Variants in GPHN observed in about 807,000 individuals in gnomAD.
GPHN encodes gephyrin.
Under a neutral mutation model 95.5 loss-of-function variants are expected in GPHN, and 17 were observed. The observed-to-expected ratio is 0.18, with a 90% CI of 0.12 to 0.27. The LOEUF (loss-of-function observed/expected upper bound fraction) is 0.27. GPHN is among the 10% of genes least tolerant of loss of function. The probability of loss-of-function intolerance (pLI) is 1.00; values close to 1 mark genes in which losing one functional copy is unlikely to be tolerated. For missense variants in GPHN, 660 were observed against 978.1 expected (o/e 0.67, Z 4.34); for synonymous variants, 320 against 322.5 (o/e 0.99, Z 0.08).
At chr14:66,605,697 T>C (rs1299615340) in intron 1 of GPHN, among the ~76,000 whole-genome samples, 1 of 151,982 alleles carries the variant, frequency 6.6e-6, no homozygotes, top group East Asian at 1.9e-4. Context: ...GCCCGGCTAA[T>C]TTTTTCTATT....
intron 8 of GPHN, among the ~76,000 whole-genome samples, chr14:66,934,596 T>A (rs1217078450): frequency 6.6e-6 from 1 of 152,228 alleles, no homozygotes; most frequent in Non-Finnish European, 1.5e-5. Flanking sequence ...TTAATTTAAC[T>A]ACTGGGGGAC....
At chr14:67,594,518 G>A in the GPHN span, among the ~76,000 whole-genome samples, 13 of 152,016 alleles carry the variant, frequency 8.6e-5, no homozygotes, top group South Asian at 6.2e-4. Flanking sequence ...GTGTTGGCAC[G>A]TGCCTCTAGT....
rs545467347 is a variant in GPHN, at chr14:66,615,135, G to A, written c.65-65972G>A. ...TATCATTGGCATTTGGGTTGGTTCCGTGTCTTTGCTATTGTAAATAGTGCT... is the reference window on the plus strand; with the variant it reads ...TATCATTGGCATTTGGGTTGGTTCCATGTCTTTGCTATTGTAAATAGTGCT... On this transcript the variant is annotated intron_variant, in intron 1 of 22. Coordinates refer to ENST00000478722, the MANE Select transcript of GPHN (RefSeq NM_020806.5). Among the ~76,000 whole-genome samples the A allele has an allele frequency of 8.7e-4, 132 of 152,158 alleles. 3 individuals are homozygous for A. In the South Asian group the frequency reaches 0.027, roughly 31 times the overall value.
intron 1 of GPHN, among the ~76,000 whole-genome samples, chr14:66,520,898 C>A (rs147340338): frequency 4.9e-4 from 74 of 152,108 alleles, no homozygotes; most frequent in African/African-American, 1.6e-3. Flanking sequence ...CTGTCGTTCC[C>A]TTCTTTGTGT....
At chr14:67,446,034 G>A in the GPHN span, 2 of 518,280 alleles carry the variant, frequency 3.9e-6, no homozygotes, top group South Asian at 1.4e-5. Context: ...TCATTTTAAT[G>A]GCAAGATGGG....
At chr14:67,062,634 T>C (rs760094863) in intron 11 of GPHN, among the ~76,000 whole-genome samples, 3 of 152,224 alleles carry the variant, frequency 2.0e-5, no homozygotes, top group Non-Finnish European at 4.4e-5. Flanking sequence ...TGAAACACTT[T>C]AGATATAATA....
At chr14:66,646,212 C>T (rs2064735386) in intron 1 of GPHN, among the ~76,000 whole-genome samples, 1 of 152,140 alleles carries the variant, frequency 6.6e-6, no homozygotes, top group African/African-American at 2.4e-5. Context: ...TGCTCAACAT[C>T]TCTAATCATT....
At chr14:67,108,752 T>TGC (rs766958253) in intron 13 of GPHN, among the ~76,000 whole-genome samples, 15 of 149,766 alleles carry the variant, frequency 1.0e-4, no homozygotes, top group Admixed American at 2.7e-4. Context: ...TGTGTGTGTG[T>TGC]GGTTTATTTT....
the GPHN span, chr14:67,412,092 G>A: frequency 6.7e-7 from 1 of 1,496,952 alleles, no homozygotes; most frequent in Non-Finnish European, 8.9e-7. Flanking sequence ...CACCCCAGGT[G>A]CGCCTTCCCC....
chr14:66,657,138 A>T (rs2153370474), intron 1 of GPHN, among the ~76,000 whole-genome samples: 1 of 152,338 alleles, frequency 6.6e-6, no homozygotes, highest in African/African-American at 2.4e-5. Flanking sequence ...GCTAATAAAG[A>T]GATAATTTTA....
At chr14:66,910,908 T>C (rs938448320) in intron 5 of GPHN, among the ~76,000 whole-genome samples, 4 of 151,972 alleles carry the variant, frequency 2.6e-5, no homozygotes, top group African/African-American at 9.7e-5. Flanking sequence ...ATATGTAATA[T>C]TGTGCAGCAT....
At chr14:66,845,893 G>C (rs769920651) in intron 4 of GPHN, among the ~76,000 whole-genome samples, 1 of 151,942 alleles carries the variant, frequency 6.6e-6, no homozygotes, top group Non-Finnish European at 1.5e-5. Context: ...ACGTGTGTCT[G>C]TGTGTGTGTT....
intron 11 of GPHN, among the ~76,000 whole-genome samples, chr14:67,086,599 C>T (rs1261921124): frequency 6.7e-6 from 1 of 149,722 alleles, no homozygotes; most frequent in Non-Finnish European, 1.5e-5. Flanking sequence ...CTGCAGTGAG[C>T]CGAGATTGCG....
At chr14:67,650,330 C>T in the GPHN span, 1 of 246,462 alleles carries the variant, frequency 4.1e-6, no homozygotes, top group Non-Finnish European at 7.9e-6. Context: ...GATTCATTTC[C>T]AGGCAGGCAT....
At chr14:66,716,617 T>G (rs1485077866) in intron 2 of GPHN, among the ~76,000 whole-genome samples, 1 of 152,210 alleles carries the variant, frequency 6.6e-6, no homozygotes, top group East Asian at 1.9e-4. Flanking sequence ...ATAGGTCATG[T>G]GAGATTTATG....
chr14:67,220,272 CAAAAAAG>C, the GPHN span, among the ~76,000 whole-genome samples: 2 of 151,576 alleles, frequency 1.3e-5, no homozygotes, highest in Non-Finnish European at 2.9e-5. Context: ...CCTGTCCCTA[CAAAAAAG>C]AAAAAAGAAA....
At chr14:67,615,682 G>A in the GPHN span, 1 of 504,632 alleles carries the variant, frequency 2.0e-6, no homozygotes, top group African/African-American at 1.9e-5. Context: ...GGCAAGGGCA[G>A]ACAAGGCCCG....
the GPHN span, among the ~76,000 whole-genome samples, chr14:67,394,113 A>C: frequency 6.6e-6 from 1 of 152,174 alleles, no homozygotes; most frequent in Non-Finnish European, 1.5e-5. Flanking sequence ...TTATGCCTCC[A>C]AATTTGAGAG....
chr14:67,336,786 T>C, the GPHN span: 2 of 455,860 alleles, frequency 4.4e-6, no homozygotes, highest in African/African-American at 4.0e-5. Context: ...TTAAAGTACT[T>C]GTGAACTGAG....
Sources: allele counts gnomAD v4.1 joint callset (sites outside exome capture counted in the v4.1 genomes callset), GRCh38; gene constraint gnomAD v4.1.1; transcripts MANE v1.5; gene names NCBI Gene and HGNC (gene_info 2026-07-23, HGNC 2026-07-21).